The following TMEM108 variants were observed in gnomAD, a reference collection of about 807,000 sequenced individuals.
TMEM108 encodes the protein transmembrane protein 108.
In TMEM108, 12 loss-of-function variants were observed where a neutral mutation model predicts 35.1. The observed-to-expected ratio is 0.34, with a 90% confidence interval of 0.22 to 0.55. The LOEUF (loss-of-function observed/expected upper bound fraction) is 0.55, where lower values mean the gene tolerates loss of function less well. Among genes scored for constraint, TMEM108 ranks in the 20% least tolerant of loss-of-function variants. The probability of loss-of-function intolerance (pLI) is 0.89; values close to 1 mark genes in which losing one functional copy is unlikely to be tolerated. For missense variants in TMEM108, 680 were observed against 753.3 expected (o/e 0.90, Z 1.14); for synonymous variants, 287 against 308.6 (o/e 0.93, Z 0.73).
intron 2 of TMEM108, among the ~76,000 whole-genome samples, chr3:133,123,325 TG>T (rs1446100703): frequency 6.6e-6 from 1 of 152,256 alleles, no homozygotes; most frequent in Non-Finnish European, 1.5e-5. Context: ...TTTGCATTTT[TG>T]TAAGTATATT....
chr3:133,052,867 A>G (rs1943423720), intron 2 of TMEM108, among the ~76,000 whole-genome samples: 1 of 152,166 alleles, frequency 6.6e-6, no homozygotes. Context: ...TGTGTCAATC[A>G]AGATGTCCCC....
chr3:133,207,936 A>T (rs746954068), intron 2 of TMEM108, among the ~76,000 whole-genome samples: 5 of 152,200 alleles, frequency 3.3e-5, no homozygotes, highest in African/African-American at 1.2e-4. Context: ...TGGTGAACTA[A>T]TAAATTATAG....
At chr3:133,175,728 G>T (rs927644552) in intron 2 of TMEM108, among the ~76,000 whole-genome samples, 4 of 152,230 alleles carry the variant, frequency 2.6e-5, no homozygotes, top group Non-Finnish European at 5.9e-5. Context: ...ATGCCAAATT[G>T]TAAAGACCAT....
intron 3 of TMEM108, among the ~76,000 whole-genome samples, chr3:133,240,414 G>C (rs368708473): frequency 2.6e-5 from 4 of 152,246 alleles, no homozygotes; most frequent in East Asian, 1.9e-4. Context: ...AGTTTAATAA[G>C]ACATTCTCAT....
chr3:133,051,629 G>A (rs925493707), intron 2 of TMEM108, among the ~76,000 whole-genome samples: 2 of 152,034 alleles, frequency 1.3e-5, no homozygotes, highest in Non-Finnish European at 1.5e-5. Context: ...TATCTTCTAT[G>A]AGTTTTATAG....
intron 1 of TMEM108, among the ~76,000 whole-genome samples, chr3:133,040,202 GTTTGTTT>G (rs1377010652): frequency 1.2e-4 from 14 of 119,692 alleles, no homozygotes; most frequent in Non-Finnish European, 2.0e-4. Context: ...TTGTTTGTTT[GTTTGTTT>G]TTTTTTTTTT....
rs985049472 is a variant in TMEM108 at position 133,138,614 on chromosome 3, C to G, written c.-46-90652C>G. Among the ~76,000 whole-genome samples, 4 of 151,986 alleles carry G rather than the reference C, an allele frequency of 2.6e-5. No individual in the cohort carries two copies. The East Asian group carries it at 5.8e-4, about 22-fold the overall frequency. On this transcript the variant is annotated intron_variant, in intron 2 of 5. Coordinates refer to ENST00000321871, the MANE Select transcript of TMEM108 (RefSeq NM_023943.4). ...CAGGGAAGTCAAAAGATTGGACATC[C>G]CTGCCAAAGGTTGAGGAAGTTCATG...
intron 3 of TMEM108, among the ~76,000 whole-genome samples, chr3:133,357,446 A>G (rs1201257354): frequency 6.6e-6 from 1 of 152,204 alleles, no homozygotes; most frequent in Non-Finnish European, 1.5e-5. Flanking sequence ...AAAGAATAAG[A>G]AGTCATTATA....
chr3:133,101,259 T>G (rs1001378021), intron 2 of TMEM108, among the ~76,000 whole-genome samples: 1 of 152,242 alleles, frequency 6.6e-6, no homozygotes, highest in Non-Finnish European at 1.5e-5. Flanking sequence ...TCTTACCAGC[T>G]TGCCCAGTGC....
At chr3:133,182,516 G>A (rs1945362188) in intron 2 of TMEM108, among the ~76,000 whole-genome samples, 1 of 152,194 alleles carries the variant, frequency 6.6e-6, no homozygotes, top group Admixed American at 6.5e-5. Context: ...GTATACTGAT[G>A]TCACGTTGAG....
intron 3 of TMEM108, among the ~76,000 whole-genome samples, chr3:133,229,600 T>G (rs1371195796): frequency 6.6e-6 from 1 of 152,202 alleles, no homozygotes; most frequent in Non-Finnish European, 1.5e-5. Flanking sequence ...AGTTACAACT[T>G]GGACATCAGT....
At chr3:133,247,308 C>T (rs1017223962) in intron 3 of TMEM108, 1 of 152,088 alleles carries the variant, frequency 6.6e-6, no homozygotes, top group African/African-American at 2.4e-5. Context: ...GCTTGTTGTT[C>T]ACTTGTGCTT....
In TMEM108 at chr3:133,379,955, G is replaced by A. The variant is rs756757516; in HGVS notation, c.244G>A (p.Ala82Thr). ...CCCCTCACAGGCTGCAGCTCCCATG[G>A]CAACACCGACACCCCGTGCAGAGGG... ...GPPSQAAAPM[A>T]TPTPRAEGHP... Residue 82 changes from alanine to threonine, a missense_variant, in exon 4 of 6, where the codon GCA becomes ACA. Transcript: ENST00000321871. The A allele has an allele frequency of 4.3e-6, 7 of 1,613,482 alleles. No individual in the cohort carries two copies. In the South Asian group the frequency reaches 7.7e-5, roughly 18 times the overall value.
chr3:133,314,971 A>G (rs1049663121), intron 3 of TMEM108, among the ~76,000 whole-genome samples: 2 of 152,226 alleles, frequency 1.3e-5, no homozygotes, highest in African/African-American at 4.8e-5. Flanking sequence ...AAAACTTGGC[A>G]TCACCATCCA....
chr3:133,267,646 A>G (rs1005005920), intron 3 of TMEM108, among the ~76,000 whole-genome samples: 1 of 152,218 alleles, frequency 6.6e-6, no homozygotes, highest in Non-Finnish European at 1.5e-5. Context: ...TTCTAATGAA[A>G]TGTCTCTCAT....
intron 3 of TMEM108, among the ~76,000 whole-genome samples, chr3:133,234,877 G>C (rs915832709): frequency 1.1e-4 from 17 of 152,134 alleles, no homozygotes; most frequent in African/African-American, 3.4e-4. Context: ...CCCAAAATCT[G>C]CTTAAGCTGA....
chr3:133,195,253 T>G (rs540086098), intron 2 of TMEM108, among the ~76,000 whole-genome samples: 2 of 152,330 alleles, frequency 1.3e-5, no homozygotes, highest in Non-Finnish European at 2.9e-5. Context: ...GTCTCATTTT[T>G]AAAGGTAAGC....
chr3:133,119,934 T>C (rs1214934963), intron 2 of TMEM108, among the ~76,000 whole-genome samples: 1 of 152,218 alleles, frequency 6.6e-6, no homozygotes, highest in East Asian at 1.9e-4. Flanking sequence ...TTTCTTAAGA[T>C]TGAAGTGTCC....
At chr3:133,391,405 G>A (rs1330132351) in intron 5 of TMEM108, among the ~76,000 whole-genome samples, 12 of 152,130 alleles carry the variant, frequency 7.9e-5, no homozygotes, top group South Asian at 2.1e-4. Flanking sequence ...CCTCCTTCCC[G>A]TGTGGGTCCC....
Sources: gnomAD v4.1 joint callset for allele counts (sites outside exome capture counted in the v4.1 genomes callset) on GRCh38, gnomAD v4.1.1 for gene constraint, MANE v1.5 for transcripts, NCBI Gene and HGNC (gene_info 2026-07-23, HGNC 2026-07-21) for gene names.